The following KAZN variants were observed in gnomAD, a reference collection of about 807,000 sequenced individuals.
The protein encoded by KAZN is kazrin, periplakin interacting protein.
In KAZN, 40 loss-of-function variants were observed where a neutral mutation model predicts 87.4. That is an observed-to-expected ratio of 0.46 (90% CI 0.36 to 0.60). The LOEUF is 0.60. KAZN is among the 20% of genes least tolerant of loss of function. The probability of loss-of-function intolerance (pLI) is 0.00; values close to 1 mark genes in which losing one functional copy is unlikely to be tolerated. For missense variants in KAZN, 898 were observed against 1,073.9 expected (o/e 0.84, Z 2.29); for synonymous variants, 466 against 458.3 (o/e 1.02, Z -0.22).
intron 2 of KAZN, among the ~76,000 whole-genome samples, chr1:14,283,716 C>G (rs1653026808): frequency 6.6e-6 from 1 of 152,122 alleles, no homozygotes; most frequent in Non-Finnish European, 1.5e-5. Context: ...CACCATATAG[C>G]CCAGAAATTC....
chr1:14,918,811 T>C (rs1658188013), intron 1 of KAZN, among the ~76,000 whole-genome samples: 2 of 149,292 alleles, frequency 1.3e-5, no homozygotes, highest in South Asian at 2.1e-4. Context: ...AAGTAGATTG[T>C]CCCTAGGTTG....
intron 2 of KAZN, among the ~76,000 whole-genome samples, chr1:14,352,937 A>T (rs891887132): frequency 4.6e-5 from 7 of 152,266 alleles, no homozygotes. Context: ...TCATTTTACT[A>T]GATGAAGAAA....
At chr1:14,640,707 C>T (rs184106397) in intron 1 of KAZN, among the ~76,000 whole-genome samples, 15 of 152,352 alleles carry the variant, frequency 9.8e-5, no homozygotes, top group Non-Finnish European at 4.4e-5. Flanking sequence ...GCTACTCCTC[C>T]CTGGCAGTCA....
At chr1:14,340,424 A>G (rs1434421083) in intron 2 of KAZN, among the ~76,000 whole-genome samples, 1 of 152,230 alleles carries the variant, frequency 6.6e-6, no homozygotes, top group Non-Finnish European at 1.5e-5. Context: ...AAAGCAAGAG[A>G]TTGACGTCAC....
chr1:14,879,152 C>T (rs959418831), intron 1 of KAZN, among the ~76,000 whole-genome samples: 3 of 152,206 alleles, frequency 2.0e-5, no homozygotes, highest in African/African-American at 7.2e-5. Context: ...TGTTCAAATA[C>T]CAGCTGCGTC....
chr1:14,933,488 C>A (rs1278129454), intron 1 of KAZN, among the ~76,000 whole-genome samples: 2 of 152,160 alleles, frequency 1.3e-5, no homozygotes, highest in East Asian at 3.9e-4. Flanking sequence ...GTTTTATCCC[C>A]AACATGTCTC....
At chr1:14,738,951 T>C (rs1165622816) in intron 1 of KAZN, among the ~76,000 whole-genome samples, 1 of 152,108 alleles carries the variant, frequency 6.6e-6, no homozygotes, top group Non-Finnish European at 1.5e-5. Flanking sequence ...GGCAGGAGGA[T>C]TGCTTGGGGC....
intron 1 of KAZN, among the ~76,000 whole-genome samples, chr1:14,779,263 A>G (rs1305159586): frequency 6.6e-6 from 1 of 152,190 alleles, no homozygotes; most frequent in Non-Finnish European, 1.5e-5. Flanking sequence ...TCCAATTCCC[A>G]GATTAGTTTG....
chr1:14,027,764 A>G (rs1369710037), intron 1 of KAZN, among the ~76,000 whole-genome samples: 1 of 152,182 alleles, frequency 6.6e-6, no homozygotes, highest in Non-Finnish European at 1.5e-5. Flanking sequence ...CTTGTGTTTA[A>G]TGTTTCCCTT....
In KAZN at chr1:14,065,138, A is replaced by G. The variant is rs187092165; in HGVS notation, c.92-115297A>G. On this transcript the variant is annotated intron_variant, in intron 1 of 16. Transcript: ENST00000636203. ...TTATGGGGAGACCTCTGACAACACA[A>G]CACCTTGGGTAGAATTTCATCCAAT... Among the ~76,000 whole-genome samples the G allele has an allele frequency of 3.9e-5, 6 of 152,276 alleles. No individual in the cohort carries two copies. The East Asian group carries it at 1.2e-3, about 29-fold the overall frequency.
intron 2 of KAZN, among the ~76,000 whole-genome samples, chr1:14,377,111 A>T (rs968131622): frequency 1.3e-5 from 2 of 152,216 alleles, no homozygotes; most frequent in Non-Finnish European, 2.9e-5. Context: ...AGTGAAAGCT[A>T]GTGGGAAACA....
At chr1:14,199,127 G>A (rs775077599) in intron 2 of KAZN, among the ~76,000 whole-genome samples, 1 of 152,178 alleles carries the variant, frequency 6.6e-6, no homozygotes, top group Admixed American at 6.5e-5. Flanking sequence ...ACTCCTTACT[G>A]ACATTGCAAG....
chr1:14,315,070 T>G (rs1216841836), intron 2 of KAZN, among the ~76,000 whole-genome samples: 1 of 152,212 alleles, frequency 6.6e-6, no homozygotes, highest in Non-Finnish European at 1.5e-5. Flanking sequence ...CATTCATCAG[T>G]TGATGGACAA....
chr1:14,329,319 G>A (rs980249593), intron 2 of KAZN, among the ~76,000 whole-genome samples: 11 of 152,224 alleles, frequency 7.2e-5, no homozygotes, highest in Non-Finnish European at 1.5e-4. Flanking sequence ...TGTGACTAGA[G>A]AAAGGGGCTG....
At chr1:14,001,638 A>T (rs1557774602) in intron 1 of KAZN, among the ~76,000 whole-genome samples, 3 of 152,242 alleles carry the variant, frequency 2.0e-5, no homozygotes, top group Admixed American at 6.5e-5. Flanking sequence ...ACAGCATGGC[A>T]CTTGTACCAA....
chr1:13,988,967 C>CA (rs1462369070), intron 1 of KAZN, among the ~76,000 whole-genome samples: 6 of 151,974 alleles, frequency 3.9e-5, no homozygotes, highest in Non-Finnish European at 8.8e-5. Flanking sequence ...GGGTAATTTA[C>CA]AAAAAACAGA....
At chr1:14,513,045 A>G (rs1671000810) in intron 2 of KAZN, among the ~76,000 whole-genome samples, 1 of 152,194 alleles carries the variant, frequency 6.6e-6, no homozygotes, top group Non-Finnish European at 1.5e-5. Flanking sequence ...GAGATTGCTT[A>G]TAAAAGATCT....
intron 2 of KAZN, among the ~76,000 whole-genome samples, chr1:14,538,467 G>A (rs1472197615): frequency 2.0e-5 from 3 of 152,166 alleles, no homozygotes; most frequent in East Asian, 1.9e-4. Context: ...AGATCAAGAC[G>A]CTGGCAGGTT....
chr1:14,929,897 G>A (rs1468216271), intron 1 of KAZN: 7 of 985,292 alleles, frequency 7.1e-6, no homozygotes, highest in East Asian at 1.1e-4. Flanking sequence ...GCTTTCTCTC[G>A]TCTGCTTTTT....
Sources: gnomAD v4.1 joint callset for allele counts (sites outside exome capture counted in the v4.1 genomes callset) on GRCh38, gnomAD v4.1.1 for gene constraint, MANE v1.5 for transcripts, NCBI Gene and HGNC (gene_info 2026-07-23, HGNC 2026-07-21) for gene names.